The following PADI1 variants were observed in gnomAD, a reference collection of about 807,000 sequenced individuals.
The protein encoded by PADI1 is peptidyl arginine deiminase 1, also known as protein-arginine deiminase type-1.
Under a neutral mutation model 74.8 loss-of-function variants are expected in PADI1, and 65 were observed. That is an observed-to-expected ratio of 0.87 (90% CI 0.71 to 1.07). The LOEUF (loss-of-function observed/expected upper bound fraction) is 1.07, where lower values mean the gene tolerates loss of function less well. Among genes scored for constraint, PADI1 ranks in the 50% least tolerant of loss-of-function variants. The probability of loss-of-function intolerance (pLI) is 0.00; values close to 1 mark genes in which losing one functional copy is unlikely to be tolerated. For missense variants in PADI1, 943 were observed against 854.0 expected (o/e 1.10, Z -1.30); for synonymous variants, 371 against 336.2 (o/e 1.10, Z -1.13).
chr1:17,214,344 C>A (rs1034090726), intron 1 of PADI1, among the ~76,000 whole-genome samples: 2 of 152,106 alleles, frequency 1.3e-5, no homozygotes, highest in Non-Finnish European at 2.9e-5. Flanking sequence ...CCCTGCCCCC[C>A]GCCCCATGAC....
chr1:17,230,638 A>G lies in PADI1; in HGVS notation c.1120A>G (p.Arg374Gly). 1 of 1,611,180 alleles carries G rather than the reference A, an allele frequency of 6.2e-7. No individual in the cohort carries two copies. The highest frequency in any genetic ancestry group is 8.5e-7 in the Non-Finnish European group (1 of 1,178,080). ...KSFPVVFDSP[R>G]NRGLKDFPYK... ...CTTCCCCGTGGTCTTTGACTCCCCC[A>G]GGAACAGGGGCCTGAAAGATTTCCC... is the stretch of plus-strand genomic sequence containing the variant. The change falls in exon 10 of 16, where the codon AGG becomes GGG. Residue 374 changes from arginine (R) to glycine (G), a missense_variant. Physicochemically the swap from Arg to Gly is moderately radical, Grantham distance 125. Coordinates refer to ENST00000375471, the MANE Select transcript of PADI1 (RefSeq NM_013358.3).
chr1:17,227,398 A>T (rs1422095109), intron 6 of PADI1, among the ~76,000 whole-genome samples: 3 of 150,874 alleles, frequency 2.0e-5, no homozygotes, highest in Non-Finnish European at 4.4e-5. Flanking sequence ...ACATACAAAA[A>T]AATTAGCCTG....
At chr1:17,209,478 T>C (rs2071779285) in intron 1 of PADI1, among the ~76,000 whole-genome samples, 1 of 152,092 alleles carries the variant, frequency 6.6e-6, no homozygotes, top group African/African-American at 2.4e-5. Flanking sequence ...AATATTGACA[T>C]CACGAAGGGC....
chr1:17,213,850 C>T (rs11203332), intron 1 of PADI1, among the ~76,000 whole-genome samples: 20,607 of 152,220 alleles, frequency 0.14, 1,723 homozygotes, highest in African/African-American at 0.23. Context: ...TCCCGCCCTC[C>T]GCGTCTCCTT....
intron 4 of PADI1, 58 bp downstream of exon 4, chr1:17,224,486 C>A: frequency 7.5e-7 from 1 of 1,326,582 alleles, no homozygotes. Flanking sequence ...TTGGGGTGGT[C>A]CCGGGTGGAT....
intron 15 of PADI1, among the ~76,000 whole-genome samples, chr1:17,241,539 T>G (rs3123531): frequency 2.1e-4 from 7 of 33,344 alleles, no homozygotes; most frequent in Admixed American, 6.7e-4. Context: ...TGGAAGTGAA[T>G]GTCAGAATCG....
At chr1:17,223,127 TG>T (rs2072206758) in intron 2 of PADI1, among the ~76,000 whole-genome samples, 2 of 152,152 alleles carry the variant, frequency 1.3e-5, no homozygotes, top group Non-Finnish European at 2.9e-5. Context: ...TCCTGTCGAC[TG>T]GGGCCATCCC....
chr1:17,214,011 G>T (rs2071904906), intron 1 of PADI1, among the ~76,000 whole-genome samples: 1 of 152,210 alleles, frequency 6.6e-6, no homozygotes, highest in East Asian at 1.9e-4. Context: ...GATGTGAAGT[G>T]GCCCCCAGGA....
At chr1:17,222,014 G>A (rs1030350302) in intron 1 of PADI1, among the ~76,000 whole-genome samples, 2 of 152,220 alleles carry the variant, frequency 1.3e-5, no homozygotes, top group African/African-American at 4.8e-5. Context: ...GGTGGTGAGA[G>A]GTGGTGGGTT....
chr1:17,243,977 G>A (rs1173175249), intron 15 of PADI1, 33 bp from the exon 16 acceptor site: 3 of 1,499,726 alleles, frequency 2.0e-6, no homozygotes, highest in South Asian at 1.2e-5. Context: ...CTTATAGCCA[G>A]ACAGCCTCCC....
intron 15 of PADI1, 108 bp downstream of exon 15, chr1:17,240,868 T>C: frequency 8.4e-7 from 1 of 1,195,308 alleles, no homozygotes; most frequent in Non-Finnish European, 1.2e-6. Context: ...CCTGCGGACC[T>C]CTCCAGTGTC....
chr1:17,212,585 T>A (rs1407334098), intron 1 of PADI1, among the ~76,000 whole-genome samples: 1 of 152,188 alleles, frequency 6.6e-6, no homozygotes, highest in East Asian at 1.9e-4. Context: ...GACCTAAGAT[T>A]TGGCCGGTGG....
At position 17,230,082 on chromosome 1, in the gene PADI1, C is replaced by T. The variant is rs2072442873; in HGVS notation, c.930-3C>T. 6.2e-7 allele frequency: 1 copy of T among 1,613,018 alleles called. No homozygotes were observed. Among genetic ancestry groups the T allele is most frequent in the Admixed American group, 1.7e-5 (1 of 59,914 alleles). On this transcript the variant is annotated splice_polypyrimidine_tract_variant and splice_region_variant and intron_variant, in intron 8 of 15. Coordinates refer to ENST00000375471, the MANE Select transcript of PADI1 (RefSeq NM_013358.3). Reference sequence around the variant, plus strand: ...CATGCTCCCCTCTCCCTACCTTTTACAGAGTGATGGACACTCATGGCTCCA... The same window carrying T: ...CATGCTCCCCTCTCCCTACCTTTTATAGAGTGATGGACACTCATGGCTCCA...
chr1:17,242,663 ACACCCAGTTAACC>A (rs2072801549), intron 15 of PADI1, among the ~76,000 whole-genome samples: 1 of 152,212 alleles, frequency 6.6e-6, no homozygotes, highest in African/African-American at 2.4e-5. Context: ...CCCATAGGGA[ACACCCAGTTAACC>A]CCTTGGTTTG....
At chr1:17,214,234 T>C (rs2071912268) in intron 1 of PADI1, among the ~76,000 whole-genome samples, 1 of 152,086 alleles carries the variant, frequency 6.6e-6, no homozygotes, top group African/African-American at 2.4e-5. Context: ...ATCGAGGCAG[T>C]TGAGTGACCC....
At chr1:17,241,531 G>C (rs1442409658) in intron 15 of PADI1, among the ~76,000 whole-genome samples, 1 of 135,312 alleles carries the variant, frequency 7.4e-6, no homozygotes, top group Admixed American at 7.4e-5. Flanking sequence ...ATCAGGGTTG[G>C]AAGTGAATGT....
chr1:17,240,231 C>T (rs1419573093), intron 14 of PADI1: 5 of 239,134 alleles, frequency 2.1e-5, no homozygotes, highest in Non-Finnish European at 4.1e-5. Context: ...CCATGCAAGG[C>T]GAAGGGGCTA....
chr1:17,223,666 C>T lies in PADI1; in HGVS notation c.319C>T (p.Arg107Cys), dbSNP rs144468100. Reference protein sequence around the residue: ...FGEQEDQALGRSVLYLTGVDI... With the variant: ...FGEQEDQALGCSVLYLTGVDI... Reference sequence around the variant, plus strand: ...GGAGCAGGAAGACCAAGCTCTGGGCCGCAGCGTGCTTTACCTCACTGGCGT... The same window carrying T: ...GGAGCAGGAAGACCAAGCTCTGGGCTGCAGCGTGCTTTACCTCACTGGCGT... The change falls in exon 3 of 16, where the codon CGC (arginine) becomes TGC (cysteine). Residue 107 changes from arginine to cysteine, a missense_variant. Transcript: ENST00000375471. 7.0e-5 allele frequency: 113 copies of T among 1,614,084 alleles called. No individual in the cohort carries two copies. In the African/African-American group the frequency reaches 7.7e-4, roughly 11 times the overall value.
intron 1 of PADI1, among the ~76,000 whole-genome samples, chr1:17,209,063 G>C (rs2071764548): frequency 1.3e-5 from 2 of 152,190 alleles, no homozygotes; most frequent in African/African-American, 4.8e-5. Flanking sequence ...GCATTTTCTG[G>C]AATTCTCTGT....
Sources: gnomAD v4.1 joint callset for allele counts (sites outside exome capture counted in the v4.1 genomes callset) on GRCh38, gnomAD v4.1.1 for gene constraint, MANE v1.5 for transcripts, NCBI Gene and HGNC (gene_info 2026-07-23, HGNC 2026-07-21) for gene names.